ATP8A1: variants seen among roughly 807,000 people sequenced by gnomAD.
ATP8A1 encodes ATPase phospholipid transporting 8A1.
In ATP8A1, 90 loss-of-function variants were observed where a neutral mutation model predicts 177.7. The observed-to-expected ratio is 0.51, with a 90% CI of 0.43 to 0.60. The LOEUF (loss-of-function observed/expected upper bound fraction) is 0.60. ATP8A1 is among the 20% of genes least tolerant of loss of function. ATP8A1 has a pLI of 0.00. For missense variants in ATP8A1, 1,072 were observed against 1,392.8 expected (o/e 0.77, Z 3.67); for synonymous variants, 493 against 485.9 (o/e 1.01, Z -0.19).
At chr4:42,578,745 G>A (rs975484117) in intron 11 of ATP8A1, among the ~76,000 whole-genome samples, 1 of 152,034 alleles carries the variant, frequency 6.6e-6, no homozygotes, top group African/African-American at 2.4e-5. Context: ...ATTCTTAAGA[G>A]TATTTCCAAT....
intron 1 of ATP8A1, among the ~76,000 whole-genome samples, chr4:42,639,462 CT>C (rs1355813091): frequency 2.0e-5 from 3 of 152,152 alleles, no homozygotes; most frequent in Non-Finnish European, 2.9e-5. Flanking sequence ...CCAACATCTA[CT>C]TTGCTTCAAT....
chr4:42,638,812 T>C (rs533958511), intron 1 of ATP8A1, among the ~76,000 whole-genome samples: 2 of 152,270 alleles, frequency 1.3e-5, no homozygotes, highest in South Asian at 2.1e-4. Flanking sequence ...AAGCATCTCC[T>C]AGAAGTCTCA....
chr4:42,651,370 G>A (rs560672313), intron 1 of ATP8A1, among the ~76,000 whole-genome samples: 1 of 152,252 alleles, frequency 6.6e-6, no homozygotes, highest in Admixed American at 6.5e-5. Flanking sequence ...AGTTTGGAGG[G>A]CCCAGAAAGC....
intron 25 of ATP8A1, among the ~76,000 whole-genome samples, chr4:42,482,576 G>C (rs1352433427): frequency 2.0e-5 from 3 of 152,122 alleles, no homozygotes; most frequent in Non-Finnish European, 4.4e-5. Context: ...CTGCTGCCTG[G>C]GAACAACTGT....
chr4:42,625,416 C>G (rs1478808563), intron 3 of ATP8A1, 198 bp downstream of exon 3: 4 of 424,506 alleles, frequency 9.4e-6, no homozygotes, highest in African/African-American at 8.2e-5. Context: ...ATTTATAGAA[C>G]ACCCAAAATA....
chr4:42,520,590 G>C (rs1198018529), intron 22 of ATP8A1, among the ~76,000 whole-genome samples: 1 of 152,052 alleles, frequency 6.6e-6, no homozygotes, highest in African/African-American at 2.4e-5. Flanking sequence ...GGGAAGATAG[G>C]CAAGAGAGAC....
rs1331036193 is a variant in ATP8A1 at position 42,507,288 on chromosome 4, T to C, written c.1948-134A>G. 5.4e-6 allele frequency: 5 copies of C among 921,602 alleles called. No homozygotes were observed. In the Admixed American group the frequency reaches 1.4e-4, roughly 25 times the overall value. 57.1% of individuals were successfully genotyped at this position (921,602 alleles called of 1,614,324 possible). On this transcript the variant is annotated intron_variant, in intron 22 of 36. Coordinates refer to ENST00000381668, the MANE Select transcript of ATP8A1 (RefSeq NM_006095.2). The stretch of plus-strand genomic sequence containing the variant: ...TGGACTTTGGTGTAAATTCCAACTA[T>C]CCCATTGAGTTTTCTGAAATATCCT...
chr4:42,583,099 A>G (rs1324956122), intron 9 of ATP8A1, among the ~76,000 whole-genome samples: 1 of 152,204 alleles, frequency 6.6e-6, no homozygotes, highest in East Asian at 1.9e-4. Context: ...TGAGGTCTTC[A>G]TTTCTGGTGA....
At chr4:42,636,942 G>A (rs1258396149) in intron 1 of ATP8A1, among the ~76,000 whole-genome samples, 1 of 152,162 alleles carries the variant, frequency 6.6e-6, no homozygotes, top group Non-Finnish European at 1.5e-5. Context: ...CTTTCTCTAA[G>A]CGTTTCATGT....
chr4:42,451,923 G>A (rs1577959864), intron 30 of ATP8A1, 58 bp downstream of exon 30: 2 of 1,244,962 alleles, frequency 1.6e-6, no homozygotes, highest in South Asian at 2.8e-5. Context: ...TTGACAATGA[G>A]TTATTTTTCT....
At chr4:42,524,445 CT>C (rs1726474072) in intron 21 of ATP8A1, among the ~76,000 whole-genome samples, 1 of 142,450 alleles carries the variant, frequency 7.0e-6, no homozygotes, top group East Asian at 2.1e-4. Context: ...AGTCTTGCTT[CT>C]TTTCCTAATG....
At chr4:42,500,328 G>C (rs2153192705) in intron 24 of ATP8A1, among the ~76,000 whole-genome samples, 1 of 152,206 alleles carries the variant, frequency 6.6e-6, no homozygotes, top group Non-Finnish European at 1.5e-5. Flanking sequence ...TCGTGCCACT[G>C]CACTCCAGCC....
chr4:42,515,998 T>C, intron 22 of ATP8A1, among the ~76,000 whole-genome samples: 1 of 152,236 alleles, frequency 6.6e-6, no homozygotes, highest in East Asian at 1.9e-4. Flanking sequence ...CTTCAATGCA[T>C]GGAAAGCATG....
chr4:42,588,338 T>C lies in ATP8A1; in HGVS notation c.525-9A>G, dbSNP rs371793167. The C allele has an allele frequency of 1.4e-4, 229 of 1,611,780 alleles. No homozygotes were observed. Among genetic ancestry groups the C allele is most frequent in the Admixed American group, 2.2e-4 (13 of 59,640 alleles). ...ACATGGCTTGGGGCTCACTGTAGTTTGGAGTTGAGAAGCACAAAGATTTAG... is the reference window on the plus strand; with the variant it reads ...ACATGGCTTGGGGCTCACTGTAGTTCGGAGTTGAGAAGCACAAAGATTTAG... On this transcript the variant is annotated splice_polypyrimidine_tract_variant and intron_variant, in intron 7 of 36. Coordinates refer to ENST00000381668, the MANE Select transcript of ATP8A1 (RefSeq NM_006095.2).
chr4:42,435,450 CAA>C (rs11306070), intron 33 of ATP8A1, among the ~76,000 whole-genome samples: 8 of 117,012 alleles, frequency 6.8e-5, no homozygotes, highest in Admixed American at 3.7e-4. Context: ...AAAAAAAAAA[CAA>C]AAAAAAAAAA....
At chr4:42,629,180 T>A (rs1738451248) in intron 1 of ATP8A1, among the ~76,000 whole-genome samples, 1 of 152,026 alleles carries the variant, frequency 6.6e-6, no homozygotes, top group Admixed American at 6.6e-5. Flanking sequence ...GGAATCAGAG[T>A]AATTAAAACA....
At chr4:42,617,780 C>T (rs1007510779) in intron 4 of ATP8A1, among the ~76,000 whole-genome samples, 3 of 152,178 alleles carry the variant, frequency 2.0e-5, no homozygotes, top group South Asian at 2.1e-4. Flanking sequence ...CCATCTACAG[C>T]GAACTCTTGC....
intron 1 of ATP8A1, among the ~76,000 whole-genome samples, chr4:42,652,286 T>C (rs1741171802): frequency 6.6e-6 from 1 of 152,146 alleles, no homozygotes; most frequent in Non-Finnish European, 1.5e-5. Flanking sequence ...AGCACCAGGG[T>C]ATCTTGGGAG....
chr4:42,656,602 G>A (rs1445285338), intron 1 of ATP8A1, among the ~76,000 whole-genome samples: 2 of 152,146 alleles, frequency 1.3e-5, no homozygotes, highest in Admixed American at 1.3e-4. Context: ...ACGCCTCGGG[G>A]CTCCCGCGGA....
Sources: allele counts gnomAD v4.1 joint callset (sites outside exome capture counted in the v4.1 genomes callset), GRCh38; gene constraint gnomAD v4.1.1; transcripts MANE v1.5; gene names NCBI Gene and HGNC (gene_info 2026-07-23, HGNC 2026-07-21).